Variants in MGMT observed in about 807,000 individuals in gnomAD.
MGMT encodes the protein O-6-methylguanine-DNA methyltransferase.
MGMT carries 14 observed loss-of-function variants against 15.9 expected under a neutral mutation model. That is an observed-to-expected ratio of 0.88 (90% CI 0.58 to 1.37). The LOEUF is 1.37. Among genes scored for constraint, MGMT ranks in the 40% most tolerant of loss-of-function variants. The pLI is 0.00. For synonymous variants in MGMT, 130 were observed against 118.2 expected (o/e 1.10, Z -0.65); for missense variants, 282 against 268.1 (o/e 1.05, Z -0.36).
At chr10:129,723,388 C>T (rs1005709282) in intron 3 of MGMT, among the ~76,000 whole-genome samples, 4 of 152,138 alleles carry the variant, frequency 2.6e-5, no homozygotes, top group East Asian at 1.9e-4. Context: ...TCACCATGAC[C>T]TTGACCTCAC....
chr10:129,737,631 T>C (rs948883641), intron 3 of MGMT, among the ~76,000 whole-genome samples: 3 of 152,250 alleles, frequency 2.0e-5, no homozygotes, highest in African/African-American at 4.8e-5. Context: ...AGAGGCGCTC[T>C]GCTTTTTAGA....
At chr10:129,586,261 A>G (rs1589880537) in intron 2 of MGMT, among the ~76,000 whole-genome samples, 1 of 152,176 alleles carries the variant, frequency 6.6e-6, no homozygotes, top group South Asian at 2.1e-4. Flanking sequence ...AAATTTGCCT[A>G]TGGATGACCC....
intron 1 of MGMT, among the ~76,000 whole-genome samples, chr10:129,528,469 A>G (rs1238480651): frequency 2.0e-5 from 3 of 151,152 alleles, no homozygotes; most frequent in African/African-American, 7.3e-5. Flanking sequence ...CAGCAGTAGC[A>G]CGGAGGCTGT....
At chr10:129,531,390 T>C (rs1020636101) in intron 1 of MGMT, among the ~76,000 whole-genome samples, 11 of 152,256 alleles carry the variant, frequency 7.2e-5, no homozygotes, top group African/African-American at 2.6e-4. Context: ...TTCACTCCTG[T>C]CAGGTTTTCA....
chr10:129,755,465 A>G (rs1236214645), intron 3 of MGMT, among the ~76,000 whole-genome samples: 3 of 152,182 alleles, frequency 2.0e-5, no homozygotes, highest in East Asian at 3.9e-4. Flanking sequence ...GGCAGGTAGC[A>G]CCTGTGTGTA....
intron 1 of MGMT, among the ~76,000 whole-genome samples, chr10:129,503,972 C>T (rs1845600469): frequency 6.6e-6 from 1 of 152,180 alleles, no homozygotes; most frequent in Admixed American, 6.5e-5. Flanking sequence ...GGGAACATCT[C>T]ATTGTAGCCT....
chr10:129,468,138 A>G (rs1021419688), intron 1 of MGMT, among the ~76,000 whole-genome samples: 1 of 152,180 alleles, frequency 6.6e-6, no homozygotes, highest in African/African-American at 2.4e-5. Flanking sequence ...AGACATCCAA[A>G]TAGAAACCTA....
At chr10:129,586,274 A>G (rs990754427) in intron 2 of MGMT, among the ~76,000 whole-genome samples, 2 of 152,160 alleles carry the variant, frequency 1.3e-5, no homozygotes, top group African/African-American at 2.4e-5. Flanking sequence ...GATGACCCCA[A>G]TCAAAATAAC....
intron 2 of MGMT, among the ~76,000 whole-genome samples, chr10:129,567,645 C>T (rs1052769518): frequency 3.3e-5 from 5 of 152,098 alleles, no homozygotes; most frequent in East Asian, 1.9e-4. Context: ...AATAAAAGCA[C>T]GGGTACAGAT....
chr10:129,676,349 C>T (rs1000776933), intron 2 of MGMT, among the ~76,000 whole-genome samples: 2 of 152,212 alleles, frequency 1.3e-5, no homozygotes, highest in Admixed American at 1.3e-4. Flanking sequence ...CTTCTGTGAA[C>T]ATACAGGTTG....
chr10:129,700,452 C>T (rs7073225), intron 2 of MGMT: 99,470 of 152,012 alleles, frequency 0.65, 34,595 homozygotes, highest in Non-Finnish European at 0.78. Flanking sequence ...GCAGCCTCCT[C>T]GGGGCCTCCA....
intron 2 of MGMT, among the ~76,000 whole-genome samples, chr10:129,655,457 C>T (rs1273275658): frequency 1.3e-5 from 2 of 152,198 alleles, no homozygotes; most frequent in Admixed American, 6.5e-5. Context: ...TCTAGAGGGC[C>T]TCATCCCGGA....
chr10:129,625,854 C>G (rs1847142286), intron 2 of MGMT, among the ~76,000 whole-genome samples: 1 of 152,198 alleles, frequency 6.6e-6, no homozygotes, highest in Admixed American at 6.5e-5. Context: ...GCTCTACCTT[C>G]AAGTTTTCCC....
chr10:129,718,991 C>T (rs955343567), intron 3 of MGMT, among the ~76,000 whole-genome samples: 2 of 151,564 alleles, frequency 1.3e-5, no homozygotes, highest in Admixed American at 1.3e-4. Flanking sequence ...GGTCCATGTG[C>T]CCGCTCAGGT....
intron 2 of MGMT, among the ~76,000 whole-genome samples, chr10:129,552,928 T>C (rs1213686307): frequency 1.3e-5 from 2 of 152,232 alleles, no homozygotes; most frequent in Non-Finnish European, 2.9e-5. Flanking sequence ...GTATATTACA[T>C]GAAAAACTAT....
chr10:129,616,451 A>T (rs1847027762), intron 2 of MGMT, among the ~76,000 whole-genome samples: 1 of 138,176 alleles, frequency 7.2e-6, no homozygotes, highest in Non-Finnish European at 1.6e-5. Context: ...AATGGTAGAC[A>T]GGGCTTTCTT....
At chr10:129,658,087 T>G (rs528809111) in intron 2 of MGMT, among the ~76,000 whole-genome samples, 1 of 152,258 alleles carries the variant, frequency 6.6e-6, no homozygotes, top group Admixed American at 6.5e-5. Context: ...TGCTGTTTTG[T>G]TTTTGCTTCT....
chr10:129,705,179 C>T (rs1311295067), intron 2 of MGMT, among the ~76,000 whole-genome samples: 3 of 152,230 alleles, frequency 2.0e-5, no homozygotes, highest in Non-Finnish European at 4.4e-5. Flanking sequence ...TGTCTGCTGT[C>T]TTCTGGGGAA....
chr10:129,523,492 G>A (rs545646730), intron 1 of MGMT, among the ~76,000 whole-genome samples: 20 of 152,240 alleles, frequency 1.3e-4, no homozygotes, highest in African/African-American at 3.6e-4. Flanking sequence ...CGGATGTCTC[G>A]GGCCTGGGGT....
Sources: gnomAD v4.1 joint callset for allele counts (sites outside exome capture counted in the v4.1 genomes callset) on GRCh38, gnomAD v4.1.1 for gene constraint, MANE v1.5 for transcripts, NCBI Gene and HGNC (gene_info 2026-07-23, HGNC 2026-07-21) for gene names.